Variants in FRAS1 observed in about 807,000 individuals in gnomAD.
FRAS1 encodes extracellular matrix organizing protein FRAS1.
In FRAS1, 290 loss-of-function variants were observed where a neutral mutation model predicts 435.2. The ratio of observed to expected loss-of-function variants is 0.67; its 90% CI spans 0.61 to 0.73. The LOEUF (loss-of-function observed/expected upper bound fraction) is 0.73, where lower values mean the gene tolerates loss of function less well. Ranked by LOEUF, FRAS1 falls within the 30% of genes least tolerant of loss-of-function variation. FRAS1 has a pLI of 0.00. For synonymous variants in FRAS1, 1,800 were observed against 1,851.0 expected, an observed-to-expected ratio of 0.97 and a Z score of 0.71; for missense variants, 4,860 against 5,001.5, an observed-to-expected ratio of 0.97 and a Z score of 0.85.
Position 78,466,251 on chromosome 4 carries a change from G to T in FRAS1, c.7073G>T (p.Gly2358Val), listed in dbSNP as rs754762561. 5.0e-6 allele frequency: 8 copies of T among 1,613,772 alleles called. No individual in the cohort carries two copies. The highest frequency in any genetic ancestry group is 6.8e-6 in the Non-Finnish European group (8 of 1,179,870). The change falls in exon 50 of 74, where the codon GGC becomes GTC. Residue 2358 changes from glycine to valine, a missense_variant. By Grantham distance (109) the Gly-to-Val change is moderately radical. Coordinates refer to ENST00000512123, the MANE Select transcript of FRAS1 (RefSeq NM_025074.7). ...TFTIVQPPRHGTIERTSNGQH... is the reference protein window; with the variant it reads ...TFTIVQPPRHVTIERTSNGQH... ...ACCATCGTGCAGCCTCCACGCCATG[G>T]CACCATCGAGCGAACCAGCAATGGG...
At position 78,374,156 on chromosome 4, in the gene FRAS1, C is replaced by A. The variant is rs367730068; in HGVS notation, c.3056C>A (p.Thr1019Asn). 4.4e-6 allele frequency: 7 copies of A among 1,605,418 alleles called. No homozygotes were observed. The Admixed American group carries it at 1.0e-4, about 23-fold the overall frequency. ...CAGTGCCAAGGTCCCCATGAGTGTACCCGCTGCAAAGGGCCATTTCTCCTC... is the reference window on the plus strand; with the variant it reads ...CAGTGCCAAGGTCCCCATGAGTGTAACCGCTGCAAAGGGCCATTTCTCCTC... ...CLQCQGPHECTRCKGPFLLLE... is the reference protein window; with the variant it reads ...CLQCQGPHECNRCKGPFLLLE... The change falls in exon 25 of 74, where the codon ACC (threonine) becomes AAC (asparagine). Residue 1019 changes from threonine (T) to asparagine (N), a missense_variant. Transcript: ENST00000512123.
At chr4:78,134,842 G>A (rs1409128374) in intron 2 of FRAS1, among the ~76,000 whole-genome samples, 6 of 152,180 alleles carry the variant, frequency 3.9e-5, no homozygotes. Context: ...AAAGTCTGAG[G>A]TTTGAAAGTT....
rs1056680078 is a variant in FRAS1 at position 78,290,457 on chromosome 4, C to T, written c.1534+3918C>T. Among the ~76,000 whole-genome samples, 3 of 135,582 alleles carry T rather than the reference C, an allele frequency of 2.2e-5. No homozygotes were observed. The South Asian group carries it at 7.0e-4, about 32-fold the overall frequency. The allele number at this position is 135,582 out of a possible 152,430, so 88.9% of individuals were successfully genotyped here. A position where few individuals can be genotyped will look rare whatever the true frequency, so the allele number is the denominator to read the frequency against. On this transcript the variant is annotated intron_variant, in intron 14 of 73. Coordinates refer to ENST00000512123, the MANE Select transcript of FRAS1 (RefSeq NM_025074.7). ...GGTTTCTTTTTTTCTTTCTTTCTTT[C>T]TTTCTTTTTTTTTTTTTGAGAGGGA...
intron 43 of FRAS1, 117 bp downstream of exon 43, chr4:78,446,997 T>A: frequency 9.8e-7 from 1 of 1,016,420 alleles, no homozygotes; most frequent in Non-Finnish European, 1.4e-6. Context: ...ATTCTTTGCA[T>A]CAAAGTGTAA....
intron 47 of FRAS1, among the ~76,000 whole-genome samples, chr4:78,460,306 A>T (rs1719330146): frequency 1.3e-5 from 2 of 152,326 alleles, no homozygotes; most frequent in Non-Finnish European, 1.5e-5. Flanking sequence ...TGACAGGGTT[A>T]ATGTGGGTCT....
chr4:78,074,165 G>A (rs1740513618), intron 2 of FRAS1, among the ~76,000 whole-genome samples: 1 of 151,514 alleles, frequency 6.6e-6, no homozygotes, highest in African/African-American at 2.4e-5. Context: ...GAATGGGTGG[G>A]GGTGGGATCA....
At chr4:78,185,531 TA>T (rs1236592944) in intron 2 of FRAS1, among the ~76,000 whole-genome samples, 1 of 152,226 alleles carries the variant, frequency 6.6e-6, no homozygotes, top group African/African-American at 2.4e-5. Context: ...AAGATTTGAA[TA>T]TGAGTATTTT....
intron 9 of FRAS1, among the ~76,000 whole-genome samples, chr4:78,276,831 C>T (rs1011027986): frequency 1.3e-5 from 2 of 152,208 alleles, no homozygotes; most frequent in Non-Finnish European, 1.5e-5. Flanking sequence ...GACCACTTTT[C>T]TCTTCAAAGC....
intron 2 of FRAS1, among the ~76,000 whole-genome samples, chr4:78,124,404 T>A (rs1250355500): frequency 6.6e-6 from 1 of 152,220 alleles, no homozygotes; most frequent in Non-Finnish European, 1.5e-5. Flanking sequence ...TTTGCATCGA[T>A]GTTCATCAGG....
At position 78,433,276 on chromosome 4, in the gene FRAS1, G is replaced by A. The variant is rs572470207; in HGVS notation, c.5217+672G>A. 2.0e-5 allele frequency among the ~76,000 whole-genome samples: 3 copies of A among 152,256 alleles called. No individual in the cohort carries two copies. The South Asian group carries it at 6.2e-4, about 32-fold the overall frequency. Reference sequence around the variant, plus strand: ...TACCTCAGGAGCTAAGGATAATGAGGATGATTAATTTTATTTTACAGTTAT... The same window carrying A: ...TACCTCAGGAGCTAAGGATAATGAGAATGATTAATTTTATTTTACAGTTAT... On this transcript the variant is annotated intron_variant, in intron 38 of 73. Coordinates refer to ENST00000512123, the MANE Select transcript of FRAS1 (RefSeq NM_025074.7).
At chr4:78,389,736 C>T (rs572907320) in intron 29 of FRAS1, among the ~76,000 whole-genome samples, 2 of 152,272 alleles carry the variant, frequency 1.3e-5, no homozygotes, top group East Asian at 1.9e-4. Context: ...TCCATCTCCA[C>T]GTTTGGAGCT....
At chr4:78,235,843 G>T (rs546415869) in intron 2 of FRAS1, among the ~76,000 whole-genome samples, 3 of 152,316 alleles carry the variant, frequency 2.0e-5, no homozygotes, top group Admixed American at 2.0e-4. Flanking sequence ...CACCTACTTG[G>T]GAGGCTGAGG....
intron 20 of FRAS1, among the ~76,000 whole-genome samples, chr4:78,345,773 T>G (rs1158573511): frequency 1.3e-5 from 2 of 152,092 alleles, no homozygotes; most frequent in Non-Finnish European, 2.9e-5. Flanking sequence ...AAAGGGGTGA[T>G]TGAATATTTC....
chr4:78,121,252 CAA>C (rs1578138068), intron 2 of FRAS1, among the ~76,000 whole-genome samples: 2 of 152,288 alleles, frequency 1.3e-5, no homozygotes, highest in East Asian at 3.9e-4. Flanking sequence ...GATTCCTGCT[CAA>C]TAGCATAGGC....
intron 43 of FRAS1, 53 bp from the exon 44 acceptor site, chr4:78,447,998 CAT>C (rs768815382): frequency 1.5e-4 from 207 of 1,424,842 alleles, no homozygotes; most frequent in Admixed American, 3.9e-4. Flanking sequence ...TGTTTTGAAT[CAT>C]ATATATATGT....
chr4:78,251,555 GC>G (rs992656240), intron 4 of FRAS1, among the ~76,000 whole-genome samples: 2 of 151,772 alleles, frequency 1.3e-5, no homozygotes, highest in African/African-American at 4.9e-5. Context: ...GAAGTTTGTA[GC>G]CTTGGCCAAC....
intron 2 of FRAS1, among the ~76,000 whole-genome samples, chr4:78,078,652 T>C (rs1177041698): frequency 6.6e-6 from 1 of 151,970 alleles, no homozygotes; most frequent in Non-Finnish European, 1.5e-5. Flanking sequence ...CAATAATAAT[T>C]AAGAACAAAA....
chr4:78,230,931 G>GT (rs902277837), intron 2 of FRAS1, among the ~76,000 whole-genome samples: 3 of 151,976 alleles, frequency 2.0e-5, no homozygotes, highest in Admixed American at 1.3e-4. Context: ...AACATTTTTT[G>GT]TTTTTTTACC....
intron 34 of FRAS1, 22 bp from the exon 35 acceptor site, chr4:78,424,366 A>G (rs775705838): frequency 2.1e-6 from 3 of 1,403,200 alleles, no homozygotes; most frequent in African/African-American, 2.9e-5. Flanking sequence ...TAATATACTG[A>G]TTGTCTCTCT....
Sources: gnomAD v4.1 joint callset for allele counts (sites outside exome capture counted in the v4.1 genomes callset) on GRCh38, gnomAD v4.1.1 for gene constraint, MANE v1.5 for transcripts, NCBI Gene and HGNC (gene_info 2026-07-23, HGNC 2026-07-21) for gene names.